ZNF134: variants seen among roughly 807,000 people sequenced by gnomAD.
The protein encoded by ZNF134 is zinc finger protein 134, also known as zinc finger protein 134 (clone pHZ-15).
Under a neutral mutation model 2.5 loss-of-function variants are expected in ZNF134, and 5 were observed. The ratio of observed to expected loss-of-function variants is 2.03; its 90% CI spans 1.06 to 4.27. The LOEUF is 4.27. Among genes scored for constraint, ZNF134 ranks in the 30% most tolerant of loss-of-function variants. ZNF134 has a pLI of 0.00. For synonymous variants in ZNF134, 176 were observed against 176.2 expected, an observed-to-expected ratio of 1.00 and a Z score of 0.01; for missense variants, 540 against 517.5, an observed-to-expected ratio of 1.04 and a Z score of -0.42.
At position 57,621,433 on chromosome 19, in the gene ZNF134, A is replaced by G. The variant is rs763558127; in HGVS notation, c.*30A>G. On this transcript the variant is annotated 3_prime_UTR_variant, in exon 3 of 3. Transcript: ENST00000396161. ...GCTTTGAATACAACAGGACTCATCA[A>G]TCAGATGTTGAATTTCATGTATCTG... 5.0e-6 allele frequency: 8 copies of G among 1,608,534 alleles called. No individual in the cohort carries two copies. In the Admixed American group the frequency reaches 5.0e-5, roughly 10 times the overall value.
rs1194762542 is a variant in ZNF134, at chr19:57,622,666, A to G, written c.*1263A>G. 1 of 152,174 alleles carries G rather than the reference A, an allele frequency of 6.6e-6. No homozygotes were observed. Among genetic ancestry groups the G allele is most frequent in the Admixed American group, 6.5e-5 (1 of 15,278 alleles). 9.4% of individuals were successfully genotyped at this position (152,174 alleles called of 1,614,324 possible). A position where few individuals can be genotyped will look rare whatever the true frequency, so the allele number is the denominator to read the frequency against. On this transcript the variant is annotated 3_prime_UTR_variant, in exon 3 of 3. Coordinates refer to ENST00000396161, the MANE Select transcript of ZNF134 (RefSeq NM_003435.5). ...CCCTGGGAGTAAAGAGGTGTGGTCCAAGGAAGTAGCTTTTGTGACCAGCTG... is the reference window on the plus strand; with the variant it reads ...CCCTGGGAGTAAAGAGGTGTGGTCCGAGGAAGTAGCTTTTGTGACCAGCTG...
At position 57,622,814 on chromosome 19, in the gene ZNF134, A is replaced by C. The variant is rs1193548050; in HGVS notation, c.*1411A>C. On this transcript the variant is annotated 3_prime_UTR_variant, in exon 3 of 3. Transcript: ENST00000396161. ...AGAGTCACCATAGTGAGGTAGAGTC[A>C]CTCTTAGTGATGTCCAGTTGTCCAG... The C allele has an allele frequency of 6.6e-6, 1 of 152,108 alleles. No homozygotes were observed. The highest frequency in any genetic ancestry group is 1.9e-4 in the East Asian group (1 of 5,186). 9.4% of individuals were successfully genotyped at this position (152,108 alleles called of 1,614,324 possible). A position where few individuals can be genotyped will look rare whatever the true frequency, so the allele number is the denominator to read the frequency against.
Position 57,614,249 on chromosome 19 carries a change from A to ACATCTTGT in ZNF134, c.-310_-303dup. ...ACTTCCGGTATCTTCCTCGCGGTGG[A>ACATCTTGT]CATCTTGTCGGCTCTTAGGTGGAAC... On this transcript the variant is annotated 5_prime_UTR_variant, in exon 1 of 3. Coordinates refer to ENST00000396161, the MANE Select transcript of ZNF134 (RefSeq NM_003435.5). The ACATCTTGT allele has an allele frequency of 2.4e-6, 1 of 419,952 alleles. No homozygotes were observed. The highest frequency in any genetic ancestry group is 2.6e-5 in the Admixed American group (1 of 38,732). The allele number at this position is 419,952 out of a possible 1,614,324, so 26.0% of individuals were successfully genotyped here.
chr19:57,620,803 A>G lies in ZNF134; in HGVS notation c.684A>G (p.Gly228=), dbSNP rs938084400. The change falls in exon 3 of 3, where the codon GGA becomes GGG. Residue 228 remains glycine (G), a synonymous_variant. Coordinates refer to ENST00000396161, the MANE Select transcript of ZNF134 (RefSeq NM_003435.5). ...TLVQHQRIHT[G]ERPYECSECG... is the part of the protein sequence containing the mutation. Reference sequence around the variant, plus strand: ...TCCAGCATCAGAGAATCCATACTGGAGAAAGGCCTTATGAATGCAGCGAAT... The same window carrying G: ...TCCAGCATCAGAGAATCCATACTGGGGAAAGGCCTTATGAATGCAGCGAAT... 2.3e-5 allele frequency: 37 copies of G among 1,614,090 alleles called. No individual in the cohort carries two copies. The highest frequency in any genetic ancestry group is 2.9e-5 in the Non-Finnish European group (34 of 1,180,036).
intron 1 of ZNF134, among the ~76,000 whole-genome samples, chr19:57,616,305 G>A (rs1981049306): frequency 6.6e-6 from 1 of 152,238 alleles, no homozygotes; most frequent in Admixed American, 6.5e-5. Flanking sequence ...CAAAGTAAGG[G>A]AAATTTATAC....
intron 1 of ZNF134, among the ~76,000 whole-genome samples, chr19:57,616,799 G>A (rs1981063122): frequency 6.6e-6 from 1 of 152,160 alleles, no homozygotes; most frequent in African/African-American, 2.4e-5. Context: ...CTAGATGAGA[G>A]TAGATTGTCT....
In ZNF134 at chr19:57,623,333, T is replaced by G. The variant is rs549057611; in HGVS notation, c.*1930T>G. On this transcript the variant is annotated 3_prime_UTR_variant, in exon 3 of 3. Transcript: ENST00000396161. ...GATGTCTGTACTCCACCCCCATTTT[T>G]AAATATTAAAAAGCTGCTGCAAATA... 1 of 152,306 alleles carries G rather than the reference T, an allele frequency of 6.6e-6. No homozygotes were observed. Among genetic ancestry groups the G allele is most frequent in the Non-Finnish European group, 1.5e-5 (1 of 68,020 alleles). 9.4% of individuals were successfully genotyped at this position (152,306 alleles called of 1,614,324 possible). A position where few individuals can be genotyped will look rare whatever the true frequency, so the allele number is the denominator to read the frequency against.
intron 2 of ZNF134, 40 bp from the exon 3 acceptor site, chr19:57,620,120 A>G: frequency 3.2e-6 from 5 of 1,582,842 alleles, no homozygotes; most frequent in Non-Finnish European, 4.3e-6. Flanking sequence ...CCCACCCACC[A>G]AAGTCAGCAT....
At chr19:57,616,306 A>T (rs957627828) in intron 1 of ZNF134, among the ~76,000 whole-genome samples, 4 of 152,262 alleles carry the variant, frequency 2.6e-5, no homozygotes, top group Non-Finnish European at 5.9e-5. Flanking sequence ...AAAGTAAGGG[A>T]AATTTATACT....
At position 57,621,523 on chromosome 19, in the gene ZNF134, C is replaced by T. The variant is rs762603953; in HGVS notation, c.*120C>T. On this transcript the variant is annotated 3_prime_UTR_variant, in exon 3 of 3. Transcript: ENST00000396161. ...GTGGGAACCTTCTAGGGATATGTTG[C>T]ACTTTCTGACTTGCTCAGGTTTTTT... 1.2e-5 allele frequency: 18 copies of T among 1,489,892 alleles called. 1 individual carries two copies. The South Asian group carries it at 2.0e-4, about 17-fold the overall frequency. 92.3% of individuals were successfully genotyped at this position (1,489,892 alleles called of 1,614,324 possible).
chr19:57,617,710 TAGAG>T (rs984363280), intron 1 of ZNF134, among the ~76,000 whole-genome samples: 2 of 152,116 alleles, frequency 1.3e-5, no homozygotes, highest in Non-Finnish European at 2.9e-5. Context: ...GCTTCCAATT[TAGAG>T]AGAGAATCTT....
intron 1 of ZNF134, among the ~76,000 whole-genome samples, chr19:57,616,113 T>TC (rs914078899): frequency 6.6e-6 from 1 of 152,144 alleles, no homozygotes; most frequent in African/African-American, 2.4e-5. Flanking sequence ...AGCAGTCCCA[T>TC]CCCCAACCAG....
chr19:57,620,923 T>C lies in ZNF134; in HGVS notation c.804T>C (p.Tyr268=), dbSNP rs1981195280. The C allele has an allele frequency of 1.9e-6, 3 of 1,614,060 alleles. No homozygotes were observed. The highest frequency in any genetic ancestry group is 2.5e-6 in the Non-Finnish European group (3 of 1,179,996). ...MPYKCNECGK[Y]FSHHSNLIVH... is the part of the protein sequence containing the mutation. ...ATAAGTGCAATGAATGTGGGAAATA[T>C]TTTAGCCATCACTCCAATCTAATTG... Residue 268 remains tyrosine (Y), a synonymous_variant, in exon 3 of 3, where the codon TAT becomes TAC. Transcript: ENST00000396161.
rs1981188060 is a variant in ZNF134 at position 57,620,756 on chromosome 19, T to C, written c.637T>C (p.Phe213Leu). The change falls in exon 3 of 3, where the codon TTC becomes CTC. Residue 213 changes from phenylalanine to leucine, a missense_variant. By Grantham distance (22) the Phe-to-Leu change is conservative. Coordinates refer to ENST00000396161, the MANE Select transcript of ZNF134 (RefSeq NM_003435.5). ...PYECSECGKAFSRKATLVQHQ... is the reference protein window; with the variant it reads ...PYECSECGKALSRKATLVQHQ... ...TGAGTGCAGCGAATGTGGGAAAGCC[T>C]TCAGCCGCAAAGCTACACTTGTCCA... 1.9e-6 allele frequency: 3 copies of C among 1,612,798 alleles called. No homozygotes were observed. The highest frequency in any genetic ancestry group is 1.1e-5 in the South Asian group (1 of 91,030).
At chr19:57,616,172 A>G (rs113600406) in intron 1 of ZNF134, among the ~76,000 whole-genome samples, 4 of 152,290 alleles carry the variant, frequency 2.6e-5, no homozygotes, top group African/African-American at 9.6e-5. Flanking sequence ...AGAATTGATG[A>G]ACATCTCTAA....
chr19:57,623,742 T>C lies in ZNF134; in HGVS notation c.*2339T>C, dbSNP rs1247967010. On this transcript the variant is annotated 3_prime_UTR_variant, in exon 3 of 3. Transcript: ENST00000396161. ...TTGTAGATCCCCTCAATACAAACAA[T>C]TTATAAGAAGTTTAAACTATCACTC... 1 of 152,124 alleles carries C rather than the reference T, an allele frequency of 6.6e-6. No individual in the cohort carries two copies. The highest frequency in any genetic ancestry group is 1.5e-5 in the Non-Finnish European group (1 of 68,038). 9.4% of individuals were successfully genotyped at this position (152,124 alleles called of 1,614,324 possible).
rs568610342 is a variant in ZNF134 at position 57,620,619 on chromosome 19, A to T, written c.500A>T (p.Asp167Val). 1.9e-6 allele frequency: 3 copies of T among 1,614,100 alleles called. No individual in the cohort carries two copies. The highest frequency in any genetic ancestry group is 2.5e-6 in the Non-Finnish European group (3 of 1,180,052). ...ACACACAGGAGCACTGAGAGTGGGG[A>T]TGCATTTCATGGTGAACAAATGCAT... is the stretch of plus-strand genomic sequence containing the variant. Reference protein sequence around the residue: ...RKTHRSTESGDAFHGEQMHYK... With the variant: ...RKTHRSTESGVAFHGEQMHYK... The change falls in exon 3 of 3, where the codon GAT (aspartate) becomes GTT (valine). Residue 167 changes from aspartate (D) to valine (V), a missense_variant. By Grantham distance (152) the Asp-to-Val change is radical. Transcript: ENST00000396161.
rs1981174554 is a variant in ZNF134, at chr19:57,620,505, A to G, written c.386A>G (p.Glu129Gly). ...CTVSKEPHPS[E>G]KPFTCKEEQK... ...GTTAGCAAAGAACCTCATCCGTCAG[A>G]GAAGCCCTTTACGTGTAAGGAGGAG... Residue 129 changes from glutamate to glycine, a missense_variant, in exon 3 of 3, where the codon GAG (glutamate) becomes GGG (glycine). Coordinates refer to ENST00000396161, the MANE Select transcript of ZNF134 (RefSeq NM_003435.5). The G allele has an allele frequency of 6.2e-7, 1 of 1,614,130 alleles. No homozygotes were observed. The highest frequency in any genetic ancestry group is 8.5e-7 in the Non-Finnish European group (1 of 1,180,044).
chr19:57,614,504 G>A lies in ZNF134; in HGVS notation c.-58+1G>A. On this transcript the variant is annotated splice_donor_variant, in intron 1 of 2. Transcript: ENST00000396161. LOFTEE classifies it low-confidence loss of function (5UTR_SPLICE). The stretch of plus-strand genomic sequence containing the variant: ...GGCCGCGGTGATGGGCCCGGCGCAG[G>A]TGGGTGCTGCCTTTCCCAGACTTTC... The A allele has an allele frequency of 2.7e-6, 1 of 375,946 alleles. No individual in the cohort carries two copies. Among genetic ancestry groups the A allele is most frequent in the Middle Eastern group, 9.0e-4 (1 of 1,112 alleles). 23.3% of individuals were successfully genotyped at this position (375,946 alleles called of 1,614,324 possible).
Sources: gnomAD v4.1 joint callset for allele counts (sites outside exome capture counted in the v4.1 genomes callset) on GRCh38, gnomAD v4.1.1 for gene constraint, MANE v1.5 for transcripts, NCBI Gene and HGNC (gene_info 2026-07-23, HGNC 2026-07-21) for gene names.